PCDH9: variants seen among roughly 807,000 people sequenced by gnomAD.
PCDH9 encodes protocadherin 9, also known as protocadherin-9.
Under a neutral mutation model 70.6 loss-of-function variants are expected in PCDH9, and 24 were observed. The observed-to-expected ratio is 0.34, with a 90% CI of 0.25 to 0.48. The LOEUF (loss-of-function observed/expected upper bound fraction) is 0.48. PCDH9 is among the 20% of genes least tolerant of loss of function. The pLI is 0.99. For missense variants in PCDH9, 1,281 were observed against 1,503.6 expected (o/e 0.85, Z 2.45); for synonymous variants, 562 against 558.5 (o/e 1.01, Z -0.09).
At chr13:67,044,735 T>C (rs1306498560) in intron 2 of PCDH9, among the ~76,000 whole-genome samples, 3 of 152,096 alleles carry the variant, frequency 2.0e-5, no homozygotes, top group Non-Finnish European at 4.4e-5. Flanking sequence ...TATTCAAGAA[T>C]ATGAGCAAAT....
At chr13:67,032,985 T>C (rs1182637290) in intron 2 of PCDH9, among the ~76,000 whole-genome samples, 4 of 78,320 alleles carry the variant, frequency 5.1e-5, no homozygotes, top group Non-Finnish European at 5.1e-5. Context: ...TAATTTGTCC[T>C]TTTTTTTTTC....
At chr13:66,508,665 A>G (rs557837121) in intron 4 of PCDH9, among the ~76,000 whole-genome samples, 2 of 152,030 alleles carry the variant, frequency 1.3e-5, no homozygotes, top group East Asian at 3.8e-4. Flanking sequence ...GATATTCATA[A>G]AAAAAAACAA....
At chr13:66,716,228 C>T (rs895962319) in intron 3 of PCDH9, among the ~76,000 whole-genome samples, 1 of 152,130 alleles carries the variant, frequency 6.6e-6, no homozygotes, top group Admixed American at 6.5e-5. Context: ...ATAAAGAGTG[C>T]TACAGAAAAA....
chr13:66,414,835 A>C (rs931058403), intron 4 of PCDH9, among the ~76,000 whole-genome samples: 1 of 152,192 alleles, frequency 6.6e-6, no homozygotes. Flanking sequence ...ACAGATTTGA[A>C]TTTTAAGAAT....
chr13:66,756,214 T>C (rs1213241282), intron 3 of PCDH9, among the ~76,000 whole-genome samples: 3 of 152,204 alleles, frequency 2.0e-5, no homozygotes, highest in African/African-American at 7.2e-5. Context: ...ATTACATTTT[T>C]AAAATCATGA....
chr13:66,428,995 T>C (rs1398261434), intron 4 of PCDH9, among the ~76,000 whole-genome samples: 1 of 151,852 alleles, frequency 6.6e-6, no homozygotes, highest in Admixed American at 6.6e-5. Flanking sequence ...TAAAAGAAAG[T>C]TGAAAAGACG....
intron 2 of PCDH9, among the ~76,000 whole-genome samples, chr13:67,181,858 T>G (rs2088624931): frequency 6.6e-6 from 1 of 152,218 alleles, no homozygotes; most frequent in African/African-American, 2.4e-5. Context: ...CTCTGTCTTC[T>G]AACACCCTCG....
rs150550790 is a variant in PCDH9, at chr13:66,423,771, A to G, written c.3341-118743T>C. Among the ~76,000 whole-genome samples the G allele has an allele frequency of 3.5e-3, 538 of 152,292 alleles. 15 individuals carry two copies. The East Asian group carries it at 0.061, about 17-fold the overall frequency. ...CATTCCCTTTGAAAACCAGCACAAG[A>G]CATGTATTCCCTCTCTCACCACTCC... is the stretch of plus-strand genomic sequence containing the variant. On this transcript the variant is annotated intron_variant, in intron 4 of 4. Coordinates refer to ENST00000377865, the MANE Select transcript of PCDH9 (RefSeq NM_203487.3).
At chr13:66,429,179 AAAG>A (rs1314792763) in intron 4 of PCDH9, among the ~76,000 whole-genome samples, 1 of 151,886 alleles carries the variant, frequency 6.6e-6, no homozygotes. Flanking sequence ...GCAATTTAGC[AAAG>A]AAGGAGACTG....
At chr13:66,647,842 C>T (rs1454286516) in intron 3 of PCDH9, among the ~76,000 whole-genome samples, 3 of 152,066 alleles carry the variant, frequency 2.0e-5, no homozygotes, top group African/African-American at 7.2e-5. Flanking sequence ...AAGGGAGTGT[C>T]TCATACTCAC....
chr13:66,924,760 C>G (rs564172924), intron 2 of PCDH9, among the ~76,000 whole-genome samples: 14 of 151,692 alleles, frequency 9.2e-5, no homozygotes, highest in African/African-American at 3.4e-4. Context: ...TGCAGGTATG[C>G]TCAATATTAA....
At chr13:66,608,641 T>C (rs2077252181) in intron 4 of PCDH9, among the ~76,000 whole-genome samples, 2 of 151,636 alleles carry the variant, frequency 1.3e-5, no homozygotes, top group African/African-American at 4.8e-5. Flanking sequence ...TAAAGGCTAA[T>C]AGAAGATGGC....
rs545856254 is a variant in PCDH9, at chr13:67,088,272, T to A, written c.3036+137133A>T. On this transcript the variant is annotated intron_variant, in intron 2 of 4. Coordinates refer to ENST00000377865, the MANE Select transcript of PCDH9 (RefSeq NM_203487.3). ...CAAATCATTTTAGATTGTGATTTAG[T>A]TTTACCCAGCATCTATCAGTTAGCA... Among the ~76,000 whole-genome samples, 14 of 152,086 alleles carry A rather than the reference T, an allele frequency of 9.2e-5. No homozygotes were observed. The East Asian group carries it at 1.9e-3, about 21-fold the overall frequency.
At chr13:66,612,733 C>A (rs1273075776) in intron 4 of PCDH9, among the ~76,000 whole-genome samples, 2 of 152,070 alleles carry the variant, frequency 1.3e-5, no homozygotes, top group East Asian at 3.9e-4. Flanking sequence ...AGGAGCCTGG[C>A]CTCTCCTTTT....
At chr13:67,211,790 C>T (rs1441371588) in intron 2 of PCDH9, 1 of 152,088 alleles carries the variant, frequency 6.6e-6, no homozygotes, top group Non-Finnish European at 1.5e-5. Context: ...TCAGAACCAT[C>T]TGGAGGCAGA....
chr13:66,843,697 C>T (rs2081154766), intron 3 of PCDH9, among the ~76,000 whole-genome samples: 1 of 152,214 alleles, frequency 6.6e-6, no homozygotes, highest in Non-Finnish European at 1.5e-5. Context: ...AATGTGTACA[C>T]TCTGGAGAAG....
intron 3 of PCDH9, among the ~76,000 whole-genome samples, chr13:66,728,608 C>G (rs1018414029): frequency 6.6e-6 from 1 of 151,970 alleles, no homozygotes; most frequent in African/African-American, 2.4e-5. Flanking sequence ...GCACATTTAC[C>G]TAACTTTAAT....
rs1036354536 is a variant in PCDH9, at chr13:67,181,136, A to T, written c.3036+44269T>A. Among the ~76,000 whole-genome samples, 4 of 152,176 alleles carry T rather than the reference A, an allele frequency of 2.6e-5. No homozygotes were observed. The East Asian group carries it at 5.8e-4, about 22-fold the overall frequency. ...GCGGTCCTCTATAAAAGGCATTAAC[A>T]TAATGCTGGTTTTCTAGATCAGTGG... On this transcript the variant is annotated intron_variant, in intron 2 of 4. Coordinates refer to ENST00000377865, the MANE Select transcript of PCDH9 (RefSeq NM_203487.3).
intron 3 of PCDH9, among the ~76,000 whole-genome samples, chr13:66,886,828 C>T (rs1269914083): frequency 6.6e-6 from 1 of 151,966 alleles, no homozygotes; most frequent in Admixed American, 6.6e-5. Flanking sequence ...GAGCTAAATT[C>T]TCCAAATTAT....
Sources: gnomAD v4.1 joint callset for allele counts (sites outside exome capture counted in the v4.1 genomes callset) on GRCh38, gnomAD v4.1.1 for gene constraint, MANE v1.5 for transcripts, NCBI Gene and HGNC (gene_info 2026-07-23, HGNC 2026-07-21) for gene names.